Variants in KDR observed in about 807,000 individuals in gnomAD.
KDR encodes kinase insert domain receptor.
In KDR, 43 loss-of-function variants were observed where a neutral mutation model predicts 160.9. That is an observed-to-expected ratio of 0.27 (90% CI 0.21 to 0.34). The LOEUF (loss-of-function observed/expected upper bound fraction) is 0.34. Among genes scored for constraint, KDR ranks in the 10% least tolerant of loss-of-function variants. The probability of loss-of-function intolerance (pLI) is 1.00; values close to 1 mark genes in which losing one functional copy is unlikely to be tolerated. For missense variants in KDR, 1,469 were observed against 1,666.4 expected (o/e 0.88, Z 2.06); for synonymous variants, 617 against 600.1 (o/e 1.03, Z -0.41).
At chr4:55,120,571 C>G (rs571938589) in intron 2 of KDR, among the ~76,000 whole-genome samples, 4 of 152,032 alleles carry the variant, frequency 2.6e-5, no homozygotes, top group Non-Finnish European at 5.9e-5. Flanking sequence ...ATCATGCGCT[C>G]AGTAATATTA....
At chr4:55,097,473 G>A (rs1720189206) in intron 18 of KDR, among the ~76,000 whole-genome samples, 189 bp downstream of exon 18, 1 of 152,112 alleles carries the variant, frequency 6.6e-6, no homozygotes, top group African/African-American at 2.4e-5. Context: ...TTGCTTGCCA[G>A]ACCATGCATC....
rs1487215614 is a variant in KDR, at chr4:55,082,102, A to G, written c.3763-61T>C. The G allele has an allele frequency of 5.2e-6, 6 of 1,144,870 alleles. No homozygotes were observed. In the Middle Eastern group the frequency reaches 5.8e-4, roughly 110 times the overall value. 70.9% of individuals were successfully genotyped at this position (1,144,870 alleles called of 1,614,324 possible). A position where few individuals can be genotyped will look rare whatever the true frequency, so the allele number is the denominator to read the frequency against. ...AGCATATAAAATGACCAACTATTTA[A>G]TTAAGCTGATTTCTCAACCCATCTA... is the stretch of plus-strand genomic sequence containing the variant. On this transcript the variant is annotated intron_variant, in intron 28 of 29. Coordinates refer to ENST00000263923, the MANE Select transcript of KDR (RefSeq NM_002253.4).
intron 2 of KDR, among the ~76,000 whole-genome samples, chr4:55,120,802 G>A (rs1017221561): frequency 2.0e-5 from 3 of 151,756 alleles, no homozygotes; most frequent in African/African-American, 7.3e-5. Context: ...CTATACGCCA[G>A]GTGGCTGTAC....
intron 27 of KDR, among the ~76,000 whole-genome samples, chr4:55,086,883 G>T (rs866317503): frequency 1.6e-4 from 24 of 152,144 alleles, no homozygotes; most frequent in African/African-American, 5.6e-4. Context: ...CACCCAAACG[G>T]GTTAGGAAAG....
In KDR at chr4:55,093,755, T is replaced by C. The variant is rs116272986; in HGVS notation, c.2972-1041A>G. Among the ~76,000 whole-genome samples the C allele has an allele frequency of 4.7e-3, 709 of 152,334 alleles. 5 individuals are homozygous for C. Among genetic ancestry groups the C allele is most frequent in the Non-Finnish European group, 7.4e-3 (502 of 68,028 alleles). ...TTCTTCCACTATTCTTCTAGACTTA[T>C]GCCTCAAGGGGAGCCAGCCTGTCAC... On this transcript the variant is annotated intron_variant, in intron 21 of 29. Transcript: ENST00000263923.
intron 10 of KDR, among the ~76,000 whole-genome samples, chr4:55,107,510 G>C (rs753415214): frequency 6.6e-6 from 1 of 152,086 alleles, no homozygotes; most frequent in Non-Finnish European, 1.5e-5. Flanking sequence ...TGTACCTCAC[G>C]GCTAACCTAA....
At chr4:55,092,483 T>A (rs983874780) in intron 22 of KDR, 134 bp downstream of exon 22, 66 of 723,882 alleles carry the variant, frequency 9.1e-5, no homozygotes, top group Non-Finnish European at 1.5e-4. Flanking sequence ...GCCTCCCCAG[T>A]AGAGCTCTTC....
Position 55,089,480 on chromosome 4 carries a change from T to C in KDR, c.3305-7A>G, listed in dbSNP as rs1719953315. Reference sequence around the variant, plus strand: ...CCAGGATATGGAGAAGCACCTAGAATAAAACAGGGAGGAGACATTCTTTGA... The same window carrying C: ...CCAGGATATGGAGAAGCACCTAGAACAAAACAGGGAGGAGACATTCTTTGA... On this transcript the variant is annotated splice_region_variant and splice_polypyrimidine_tract_variant and intron_variant, in intron 24 of 29. Coordinates refer to ENST00000263923, the MANE Select transcript of KDR (RefSeq NM_002253.4). The C allele has an allele frequency of 3.0e-5, 48 of 1,595,058 alleles. No homozygotes were observed. The highest frequency in any genetic ancestry group is 4.0e-5 in the Non-Finnish European group (47 of 1,163,362).
chr4:55,124,482 T>G (rs1206013378), intron 1 of KDR, among the ~76,000 whole-genome samples: 1 of 152,112 alleles, frequency 6.6e-6, no homozygotes, highest in African/African-American at 2.4e-5. Flanking sequence ...TTTCGGAGCT[T>G]GAACTTCTGA....
At chr4:55,118,173 C>G (rs1720780070) in intron 3 of KDR, among the ~76,000 whole-genome samples, 1 of 152,090 alleles carries the variant, frequency 6.6e-6, no homozygotes, top group Non-Finnish European at 1.5e-5. Flanking sequence ...ACTCCAGAGC[C>G]CTTGGCAAAA....
chr4:55,087,561 C>A (rs1328318578), intron 27 of KDR, 46 bp downstream of exon 27: 1 of 1,586,248 alleles, frequency 6.3e-7, no homozygotes, highest in South Asian at 1.1e-5. Flanking sequence ...CCCGAGATGG[C>A]CTTGAAGTCA....
rs556357940 is a variant in KDR, at chr4:55,115,141, T to C, written c.490-99A>G. ...GAATTCATCTTATTTTTAAGAATACTAATTAGTTTTATTCATTGCATTTGA... is the reference window on the plus strand; with the variant it reads ...GAATTCATCTTATTTTTAAGAATACCAATTAGTTTTATTCATTGCATTTGA... On this transcript the variant is annotated intron_variant, in intron 4 of 29. Transcript: ENST00000263923. 3.0e-5 allele frequency: 38 copies of C among 1,260,838 alleles called. No individual in the cohort carries two copies. The African/African-American group carries it at 4.5e-4, about 15-fold the overall frequency. The allele number at this position is 1,260,838 out of a possible 1,614,324, so 78.1% of individuals were successfully genotyped here.
At chr4:55,104,576 C>G in intron 13 of KDR, 67 bp downstream of exon 13, 1 of 1,218,532 alleles carries the variant, frequency 8.2e-7, no homozygotes, top group Non-Finnish European at 1.2e-6. Flanking sequence ...TTGCATAGCA[C>G]CTGAATTGCA....
chr4:55,114,835 A>G lies in KDR; in HGVS notation c.658+39T>C, dbSNP rs1720692091. ...TTATCTCCAAGATCTTAATACAAGG[A>G]TATGTTATTAATGATATGGAAAGGA... On this transcript the variant is annotated intron_variant, in intron 5 of 29. Transcript: ENST00000263923. The G allele has an allele frequency of 2.7e-6, 4 of 1,496,710 alleles. No homozygotes were observed. In the East Asian group the frequency reaches 9.0e-5, roughly 34 times the overall value. The allele number at this position is 1,496,710 out of a possible 1,614,324, so 92.7% of individuals were successfully genotyped here.
intron 27 of KDR, among the ~76,000 whole-genome samples, 162 bp downstream of exon 27, chr4:55,087,445 C>T: frequency 6.6e-6 from 1 of 152,192 alleles, no homozygotes; most frequent in East Asian, 1.9e-4. Flanking sequence ...CTACCCAGGC[C>T]CTCTTCCAGG....
Position 55,081,944 on chromosome 4 carries a change from G to C in KDR, c.3848+12C>G, listed in dbSNP as rs2110005079. ...TATTGAAATTTGTCTTTTTAATATG[G>C]CTGAGTCTTACCCAAAAGATGGAGA... On this transcript the variant is annotated intron_variant, in intron 29 of 29. Transcript: ENST00000263923. 1.3e-6 allele frequency: 2 copies of C among 1,586,946 alleles called. No individual in the cohort carries two copies. The highest frequency in any genetic ancestry group is 1.7e-6 in the Non-Finnish European group (2 of 1,155,392).
intron 21 of KDR, among the ~76,000 whole-genome samples, chr4:55,094,456 C>T (rs1425694334): frequency 2.0e-5 from 3 of 152,134 alleles, no homozygotes; most frequent in African/African-American, 7.2e-5. Context: ...TGGGGCTCTC[C>T]AAGGCAATGG....
At chr4:55,120,922 T>C (rs1484883020) in intron 2 of KDR, among the ~76,000 whole-genome samples, 175 bp downstream of exon 2, 1 of 151,974 alleles carries the variant, frequency 6.6e-6, no homozygotes, top group Non-Finnish European at 1.5e-5. Flanking sequence ...TTGTACAGAA[T>C]TTTTGAGAGA....
chr4:55,104,833 G>A lies in KDR; in HGVS notation c.1797C>T (p.Pro599=), dbSNP rs981930835. ...TATCCAAGTTCTTGCAAACAGGTGT[G>A]GGCAACTCTCCCACATGGATTGGCA... ...QPLPIHVGEL[P]TPVCKNLDTL... is the part of the protein sequence containing the mutation. The change falls in exon 13 of 30, where the codon CCC becomes CCT. Residue 599 remains proline, a synonymous_variant. Coordinates refer to ENST00000263923, the MANE Select transcript of KDR (RefSeq NM_002253.4). The A allele has an allele frequency of 1.2e-6, 2 of 1,613,934 alleles. No individual in the cohort carries two copies. Among genetic ancestry groups the A allele is most frequent in the Non-Finnish European group, 1.7e-6 (2 of 1,179,880 alleles).
Sources: allele counts gnomAD v4.1 joint callset (sites outside exome capture counted in the v4.1 genomes callset), GRCh38; gene constraint gnomAD v4.1.1; transcripts MANE v1.5; gene names NCBI Gene and HGNC (gene_info 2026-07-23, HGNC 2026-07-21).